Variants in LRRC20 observed in about 807,000 individuals in gnomAD.
The protein encoded by LRRC20 is leucine-rich repeat-containing protein 20.
In LRRC20, 11 loss-of-function variants were observed where a neutral mutation model predicts 14.4. The ratio of observed to expected loss-of-function variants is 0.77; its 90% CI spans 0.48 to 1.27. The LOEUF (loss-of-function observed/expected upper bound fraction) is 1.27. Among genes scored for constraint, LRRC20 ranks in the 50% most tolerant of loss-of-function variants. The pLI is 0.00. For synonymous variants in LRRC20, 121 were observed against 107.3 expected (o/e 1.13, Z -0.79); for missense variants, 219 against 251.2 (o/e 0.87, Z 0.87).
intron 2 of LRRC20, among the ~76,000 whole-genome samples, chr10:70,347,352 G>A (rs1026880271): frequency 2.0e-5 from 3 of 152,026 alleles, no homozygotes; most frequent in African/African-American, 4.8e-5. Context: ...TGCTTACAAC[G>A]GAGGAAGAAG....
At chr10:70,314,051 C>T (rs1841766021) in intron 4 of LRRC20, among the ~76,000 whole-genome samples, 1 of 152,112 alleles carries the variant, frequency 6.6e-6, no homozygotes, top group Admixed American at 6.5e-5. Flanking sequence ...AGGGGAAACC[C>T]TTTATAAAAC....
intron 3 of LRRC20, among the ~76,000 whole-genome samples, chr10:70,326,803 C>A (rs1324410003): frequency 1.3e-5 from 2 of 152,196 alleles, no homozygotes; most frequent in African/African-American, 4.8e-5. Context: ...CAGGCACCCG[C>A]CACCACGCCT....
intron 2 of LRRC20, among the ~76,000 whole-genome samples, chr10:70,350,654 G>C (rs1270007383): frequency 6.6e-6 from 1 of 152,176 alleles, no homozygotes; most frequent in African/African-American, 2.4e-5. Context: ...GCCCAAGAGT[G>C]GGAAATGGAG....
Position 70,301,231 on chromosome 10 carries a change from C to G in LRRC20, c.*123G>C, listed in dbSNP as rs554973085. 30 of 1,456,680 alleles carry G rather than the reference C, an allele frequency of 2.1e-5. No homozygotes were observed. Among genetic ancestry groups the G allele is most frequent in the Middle Eastern group, 2.5e-4 (1 of 3,970 alleles). 90.2% of individuals were successfully genotyped at this position (1,456,680 alleles called of 1,614,324 possible). ...ATCCAGACCAGCTGCACCCCACCCA[C>G]CACGTGCTGCTCGGCCCACCCGCCC... On this transcript the variant is annotated 3_prime_UTR_variant, in exon 5 of 5. Transcript: ENST00000446961.
chr10:70,311,222 ATTTTTT>A (rs11314061), intron 4 of LRRC20, among the ~76,000 whole-genome samples: 4 of 86,344 alleles, frequency 4.6e-5, no homozygotes, highest in Admixed American at 1.4e-4. Context: ...TCAACATTCC[ATTTTTT>A]TTTTTTTTTT....
intron 2 of LRRC20, among the ~76,000 whole-genome samples, chr10:70,363,202 T>C (rs1380798403): frequency 7.2e-6 from 1 of 139,710 alleles, no homozygotes; most frequent in Non-Finnish European, 1.5e-5. Flanking sequence ...CATTTTAGCC[T>C]AAGAGTTTGA....
intron 4 of LRRC20, among the ~76,000 whole-genome samples, chr10:70,314,749 G>C (rs919021327): frequency 6.6e-6 from 1 of 152,138 alleles, no homozygotes; most frequent in Non-Finnish European, 1.5e-5. Context: ...CTTCCATTCT[G>C]GGTGCCACCC....
At chr10:70,305,898 G>A (rs1433425042) in intron 4 of LRRC20, among the ~76,000 whole-genome samples, 5 of 151,958 alleles carry the variant, frequency 3.3e-5, no homozygotes, top group Admixed American at 6.6e-5. Context: ...CCGCCACCAC[G>A]CCCGGCTAAT....
rs1844510706 is a variant in LRRC20, at chr10:70,376,459, G to C, written c.75C>G (p.Asp25Glu). The C allele has an allele frequency of 1.2e-6, 2 of 1,614,064 alleles. No homozygotes were observed. ...KVNETVESGSDTLDLAECKLV... is the reference protein window; with the variant it reads ...KVNETVESGSETLDLAECKLV... ...AGCCCTGCCCTCACTCACCCAGAGTGTCAGAGCCGCTCTCCACCGTCTCGT... is the reference window on the plus strand; with the variant it reads ...AGCCCTGCCCTCACTCACCCAGAGTCTCAGAGCCGCTCTCCACCGTCTCGT... The change falls in exon 2 of 5, where the codon GAC becomes GAG. Residue 25 changes from aspartate to glutamate, a missense_variant. Physicochemically the swap from Asp to Glu is conservative, Grantham distance 45. Transcript: ENST00000446961.
intron 2 of LRRC20, among the ~76,000 whole-genome samples, chr10:70,369,146 T>C (rs1178762869): frequency 6.6e-6 from 1 of 152,214 alleles, no homozygotes; most frequent in Non-Finnish European, 1.5e-5. Context: ...TTTTCCTCCT[T>C]TTCAAGGAAC....
intron 2 of LRRC20, among the ~76,000 whole-genome samples, chr10:70,361,073 G>C (rs1253206996): frequency 6.6e-6 from 1 of 151,550 alleles, no homozygotes; most frequent in Admixed American, 6.6e-5. Flanking sequence ...AAGAGAGAGA[G>C]AGAGAAAGAG....
chr10:70,372,547 T>G (rs1266913471), intron 2 of LRRC20, among the ~76,000 whole-genome samples: 3 of 149,168 alleles, frequency 2.0e-5, no homozygotes, highest in African/African-American at 7.4e-5. Context: ...GTTCACACCA[T>G]TCTCCTGCCT....
At position 70,299,008 on chromosome 10, in the gene LRRC20, C is replaced by T. The variant is rs1245683820; in HGVS notation, c.*2346G>A. On this transcript the variant is annotated 3_prime_UTR_variant, in exon 5 of 5. Transcript: ENST00000446961. ...ATGCATTCTTTATTGCAGACTGAAG[C>T]TTAGGGGCTCACTCACTGTGAGCTC... 1 of 152,670 alleles carries T rather than the reference C, an allele frequency of 6.6e-6. No homozygotes were observed. Among genetic ancestry groups the T allele is most frequent in the Admixed American group, 6.5e-5 (1 of 15,280 alleles). 9.5% of individuals were successfully genotyped at this position (152,670 alleles called of 1,614,324 possible). A position where few individuals can be genotyped will look rare whatever the true frequency, so the allele number is the denominator to read the frequency against.
At chr10:70,373,389 G>A (rs866408278) in intron 2 of LRRC20, among the ~76,000 whole-genome samples, 2 of 152,166 alleles carry the variant, frequency 1.3e-5, no homozygotes, top group South Asian at 4.1e-4. Flanking sequence ...CTTGTAGGTG[G>A]TGGGCTGGTC....
At chr10:70,377,547 G>A (rs1589134822) in intron 1 of LRRC20, among the ~76,000 whole-genome samples, 1 of 152,136 alleles carries the variant, frequency 6.6e-6, no homozygotes, top group African/African-American at 2.4e-5. Flanking sequence ...CCCATAGAGA[G>A]AGGAATGAGC....
At chr10:70,329,922 C>T (rs10999271) in intron 3 of LRRC20, among the ~76,000 whole-genome samples, 30,164 of 152,176 alleles carry the variant, frequency 0.2, 3,020 homozygotes, top group Middle Eastern at 0.3. Context: ...CCCAGACTTG[C>T]ATACCTGGAA....
In LRRC20 at chr10:70,300,688, C is replaced by CT. The variant is rs1841139549; in HGVS notation, c.*665_*666insA. ...ATGACAGAGCTGACGTGACTTGCTC[C>CT]CCATTCCCAGCCTGCTGGTCCTCGG... On this transcript the variant is annotated 3_prime_UTR_variant, in exon 5 of 5. Coordinates refer to ENST00000446961, the MANE Select transcript of LRRC20 (RefSeq NM_001278212.2). 2.0e-6 allele frequency: 2 copies of CT among 985,506 alleles called. No homozygotes were observed. The highest frequency in any genetic ancestry group is 2.4e-6 in the Non-Finnish European group (2 of 830,090). The allele number at this position is 985,506 out of a possible 1,614,324, so 61.0% of individuals were successfully genotyped here. A position where few individuals can be genotyped will look rare whatever the true frequency, so the allele number is the denominator to read the frequency against.
chr10:70,358,499 T>G (rs1413459496), intron 2 of LRRC20, among the ~76,000 whole-genome samples: 1 of 149,970 alleles, frequency 6.7e-6, no homozygotes. Context: ...TCAGAACAGT[T>G]GTTTGTCCTC....
chr10:70,328,504 C>T (rs1842410481), intron 3 of LRRC20, among the ~76,000 whole-genome samples: 1 of 152,194 alleles, frequency 6.6e-6, no homozygotes, highest in South Asian at 2.1e-4. Context: ...GCCATGTTGG[C>T]CAGGCTAGTC....
Sources: allele counts gnomAD v4.1 joint callset (sites outside exome capture counted in the v4.1 genomes callset), GRCh38; gene constraint gnomAD v4.1.1; transcripts MANE v1.5; gene names NCBI Gene and HGNC (gene_info 2026-07-23, HGNC 2026-07-21).